KLF12: variants seen among roughly 807,000 people sequenced by gnomAD.
KLF12 encodes KLF transcription factor 12, also known as Krueppel-like factor 12.
In KLF12, 9 loss-of-function variants were observed where a neutral mutation model predicts 37.8. The observed-to-expected ratio is 0.24, with a 90% CI of 0.14 to 0.42. KLF12 has a LOEUF of 0.42. Ranked by LOEUF, KLF12 falls within the 10% of genes least tolerant of loss-of-function variation. KLF12 has a pLI of 1.00. For missense variants in KLF12, 411 were observed against 516.0 expected (o/e 0.80, Z 1.97); for synonymous variants, 208 against 202.1 (o/e 1.03, Z -0.25).
the KLF12 span, among the ~76,000 whole-genome samples, chr13:74,286,156 C>CT: frequency 1.3e-5 from 2 of 152,198 alleles, no homozygotes; most frequent in South Asian, 4.1e-4. Context: ...TTTACCTCTT[C>CT]TTTTTTTCTC....
At chr13:73,704,466 C>T (rs778398881) in intron 7 of KLF12, among the ~76,000 whole-genome samples, 2 of 152,186 alleles carry the variant, frequency 1.3e-5, no homozygotes, top group African/African-American at 2.4e-5. Flanking sequence ...GCCTGCCCCA[C>T]TCTGATAATT....
At chr13:74,066,627 C>T (rs552762893) in intron 1 of KLF12, among the ~76,000 whole-genome samples, 66 of 152,258 alleles carry the variant, frequency 4.3e-4, no homozygotes, top group African/African-American at 1.5e-3. Context: ...CAATGAGGAA[C>T]TGCTTTTATG....
chr13:73,886,040 G>A (rs141339551), intron 3 of KLF12, among the ~76,000 whole-genome samples: 95 of 152,268 alleles, frequency 6.2e-4, no homozygotes, highest in African/African-American at 2.1e-3. Flanking sequence ...GGATGGTGGT[G>A]TTGGTGGTGG....
the KLF12 span, among the ~76,000 whole-genome samples, chr13:74,188,513 T>C: frequency 1.3e-5 from 2 of 152,158 alleles, no homozygotes; most frequent in East Asian, 1.9e-4. Flanking sequence ...TTTTAAGAAA[T>C]ATATTTATTA....
chr13:73,822,292 C>T (rs571563186), intron 4 of KLF12, among the ~76,000 whole-genome samples: 1 of 152,202 alleles, frequency 6.6e-6, no homozygotes, highest in Non-Finnish European at 1.5e-5. Flanking sequence ...GGAATGAAAA[C>T]GTTCATAATT....
At chr13:74,081,372 C>T (rs1301786907) in intron 1 of KLF12, among the ~76,000 whole-genome samples, 1 of 152,136 alleles carries the variant, frequency 6.6e-6, no homozygotes, top group Non-Finnish European at 1.5e-5. Flanking sequence ...TCTTTCATCT[C>T]GTCTTTTATA....
intron 1 of KLF12, among the ~76,000 whole-genome samples, chr13:74,084,975 A>G (rs1407441629): frequency 6.6e-6 from 1 of 152,210 alleles, no homozygotes; most frequent in Non-Finnish European, 1.5e-5. Flanking sequence ...ATATTATGCT[A>G]GTTATATTAC....
chr13:73,994,468 C>G (rs975193105), intron 2 of KLF12, among the ~76,000 whole-genome samples: 5 of 81,316 alleles, frequency 6.1e-5, no homozygotes, highest in East Asian at 5.6e-4. Context: ...TCACAGCGCC[C>G]CCCCCACCAC....
chr13:73,824,708 T>C (rs1225838662), intron 4 of KLF12, among the ~76,000 whole-genome samples: 1 of 152,240 alleles, frequency 6.6e-6, no homozygotes, highest in Non-Finnish European at 1.5e-5. Flanking sequence ...ACATTAATTC[T>C]GTTTGGTATG....
At chr13:73,882,737 A>G (rs1416560415) in intron 3 of KLF12, among the ~76,000 whole-genome samples, 1 of 152,218 alleles carries the variant, frequency 6.6e-6, no homozygotes, top group Admixed American at 6.5e-5. Flanking sequence ...TAATGTTTTG[A>G]TATCATCTTA....
intron 4 of KLF12, among the ~76,000 whole-genome samples, chr13:73,814,098 C>CT: frequency 6.6e-6 from 1 of 152,304 alleles, no homozygotes; most frequent in East Asian, 1.9e-4. Context: ...CTCCTTCTCC[C>CT]TGTGAAGAGA....
upstream of KLF12, among the ~76,000 whole-genome samples, chr13:74,136,889 G>T (rs1217260778): frequency 6.6e-6 from 1 of 152,144 alleles, no homozygotes; most frequent in South Asian, 2.1e-4. Flanking sequence ...CTATGAAAAG[G>T]AAAAGGAGAA....
At chr13:74,256,221 C>T in the KLF12 span, among the ~76,000 whole-genome samples, 1 of 151,656 alleles carries the variant, frequency 6.6e-6, no homozygotes, top group African/African-American at 2.4e-5. Flanking sequence ...GCTCACATCT[C>T]TGATATCGGC....
chr13:73,811,008 AGG>A (rs1273100131), intron 5 of KLF12, among the ~76,000 whole-genome samples: 145 of 6,640 alleles, frequency 0.022, no homozygotes, highest in Non-Finnish European at 0.052. Context: ...TTTTTTTTTT[AGG>A]AGTCTCACTC....
chr13:74,086,672 G>A (rs58614081), intron 1 of KLF12, among the ~76,000 whole-genome samples: 50,726 of 151,848 alleles, frequency 0.33, 8,856 homozygotes, highest in Middle Eastern at 0.45. Context: ...CATCATGGAG[G>A]TTAGGGGTAC....
Position 73,911,239 on chromosome 13 carries a change from A to C in KLF12, c.123+32742T>G, listed in dbSNP as rs936492846. Among the ~76,000 whole-genome samples, 3 of 152,142 alleles carry C rather than the reference A, an allele frequency of 2.0e-5. No homozygotes were observed. The East Asian group carries it at 5.8e-4, about 29-fold the overall frequency. On this transcript the variant is annotated intron_variant, in intron 3 of 7. Coordinates refer to ENST00000377669, the MANE Select transcript of KLF12 (RefSeq NM_007249.5). ...CAATTATTTGTCAAAAATATTAATA[A>C]AATTTTTAAAATAAATGAATAAAAA...
Position 74,111,796 on chromosome 13 carries a change from C to T in KLF12, c.-32+21943G>A, listed in dbSNP as rs540707761. Among the ~76,000 whole-genome samples the T allele has an allele frequency of 5.9e-5, 9 of 152,230 alleles. No homozygotes were observed. The South Asian group carries it at 1.2e-3, about 21-fold the overall frequency. On this transcript the variant is annotated intron_variant, in intron 1 of 7. Transcript: ENST00000377669. Reference sequence around the variant, plus strand: ...ATTTTAAAGAAGTTAAAGAAATCCTCAAGATGATGTTTTCCTCTTTATTTT... The same window carrying T: ...ATTTTAAAGAAGTTAAAGAAATCCTTAAGATGATGTTTTCCTCTTTATTTT...
rs201145251 is a variant in KLF12, at chr13:74,083,491, GAGAC to G, written c.-32+50244_-32+50247del. On this transcript the variant is annotated intron_variant, in intron 1 of 7. Coordinates refer to ENST00000377669, the MANE Select transcript of KLF12 (RefSeq NM_007249.5). ...CATTGCACTCCAGCCTGGGCGATAGGAGACACACACACACACACACACACACACA... is the reference window on the plus strand; with the variant it reads ...CATTGCACTCCAGCCTGGGCGATAGGACACACACACACACACACACACACA... 2.5e-3 allele frequency among the ~76,000 whole-genome samples: 291 copies of G among 117,606 alleles called. 4 individuals are homozygous for G. Among genetic ancestry groups the G allele is most frequent in the African/African-American group, 9.9e-3 (277 of 28,000 alleles). 77.2% of individuals were successfully genotyped at this position (117,606 alleles called of 152,430 possible).
In KLF12 at chr13:74,024,797, A is replaced by G. The variant is rs562988075; in HGVS notation, c.-31-29744T>C. 3.9e-5 allele frequency among the ~76,000 whole-genome samples: 6 copies of G among 152,322 alleles called. No homozygotes were observed. In the East Asian group the frequency reaches 1.2e-3, roughly 29 times the overall value. On this transcript the variant is annotated intron_variant, in intron 1 of 7. Coordinates refer to ENST00000377669, the MANE Select transcript of KLF12 (RefSeq NM_007249.5). ...GAAAAAGTCTCTCTAAAACATAGGA[A>G]ATTAGGAGAAACTCCAAGTAATCTA...
Sources: allele counts gnomAD v4.1 joint callset (sites outside exome capture counted in the v4.1 genomes callset), GRCh38; gene constraint gnomAD v4.1.1; transcripts MANE v1.5; gene names NCBI Gene and HGNC (gene_info 2026-07-23, HGNC 2026-07-21).